CHD4: variants seen among roughly 807,000 people sequenced by gnomAD.
The protein encoded by CHD4 is ATP-dependent chromatin remodeler CHD4.
Under a neutral mutation model 235.5 loss-of-function variants are expected in CHD4, and 35 were observed. The ratio of observed to expected loss-of-function variants is 0.15; its 90% CI spans 0.11 to 0.20. The LOEUF is 0.20. Ranked by LOEUF, CHD4 falls within the 10% of genes least tolerant of loss-of-function variation. The pLI is 1.00. For synonymous variants in CHD4, 900 were observed against 850.2 expected (o/e 1.06, Z -1.02); for missense variants, 1,329 against 2,432.3 (o/e 0.55, Z 9.54).
intron 15 of CHD4, 72 bp downstream of exon 15, chr12:6,594,379 TTATCTCTC>T: frequency 7.3e-7 from 1 of 1,360,926 alleles, no homozygotes; most frequent in Non-Finnish European, 1.0e-6. Context: ...TTTTATTCCC[TTATCTCTC>T]TACTCAGTGT....
intron 33 of CHD4, among the ~76,000 whole-genome samples, chr12:6,579,831 C>A (rs1045389555): frequency 6.7e-6 from 1 of 149,792 alleles, no homozygotes; most frequent in Non-Finnish European, 1.5e-5. Flanking sequence ...CCAAAGCGGG[C>A]GGATCACGAG....
In CHD4 at chr12:6,581,315, A is replaced by G; in HGVS notation, c.4755T>C (p.Ser1585=). The change falls in exon 32 of 40, where the codon TCT becomes TCC. Residue 1585 remains serine, a synonymous_variant. Transcript: ENST00000544040. ...ESIEGEKEVK[S]TAPETAIECT... is the part of the protein sequence containing the mutation. ...CCTCAATGGCAGTCTCAGGGGCTGTAGATTTAACCTCCTTTTCTCCTTCTA... is the reference window on the plus strand; with the variant it reads ...CCTCAATGGCAGTCTCAGGGGCTGTGGATTTAACCTCCTTTTCTCCTTCTA... 1 of 1,614,188 alleles carries G rather than the reference A, an allele frequency of 6.2e-7. No homozygotes were observed. Among genetic ancestry groups the G allele is most frequent in the East Asian group, 2.2e-5 (1 of 44,886 alleles).
intron 25 of CHD4, 119 bp downstream of exon 25, chr12:6,587,265 T>C (rs1236128228): frequency 5.3e-6 from 5 of 944,320 alleles, no homozygotes; most frequent in Non-Finnish European, 6.5e-6. Flanking sequence ...AGAGGATCAA[T>C]TCATCAACAT....
intron 35 of CHD4, 87 bp downstream of exon 35, chr12:6,578,322 G>A: frequency 6.6e-7 from 1 of 1,514,274 alleles, no homozygotes; most frequent in African/African-American, 1.4e-5. Flanking sequence ...GAGGTAAAGA[G>A]GTAAAGTCCC....
Position 6,599,762 on chromosome 12 carries a change from C to A in CHD4, c.1482+11G>T. The A allele has an allele frequency of 6.2e-7, 1 of 1,614,110 alleles. No individual in the cohort carries two copies. The highest frequency in any genetic ancestry group is 1.1e-5 in the South Asian group (1 of 91,082). On this transcript the variant is annotated intron_variant, in intron 10 of 39. Coordinates refer to ENST00000544040, the MANE Select transcript of CHD4 (RefSeq NM_001273.5). ...TCCCATTTTTTGCCCCGGCTGAGAT[C>A]AGTCACTCACCGTACAACGGGGACA... is the stretch of plus-strand genomic sequence containing the variant.
In CHD4 at chr12:6,577,928, A is replaced by G; in HGVS notation, c.5229-11T>C. The G allele has an allele frequency of 6.2e-7, 1 of 1,613,854 alleles. No individual in the cohort carries two copies. Among genetic ancestry groups the G allele is most frequent in the African/African-American group, 1.3e-5 (1 of 75,044 alleles). Reference sequence around the variant, plus strand: ...CGGGCATAGCCATGGCTATTGGAAAAGTGCTCAGGAAAAACAAAACAAGGA... The same window carrying G: ...CGGGCATAGCCATGGCTATTGGAAAGGTGCTCAGGAAAAACAAAACAAGGA... On this transcript the variant is annotated splice_polypyrimidine_tract_variant and intron_variant, in intron 36 of 39. Transcript: ENST00000544040.
Position 6,602,515 on chromosome 12 carries a change from A to G in CHD4, c.101-18T>C. Reference sequence around the variant, plus strand: ...TTCATTTTCTACATATATTTGGCAAAGAGTGGTAGGCAGGGAAAAGATCAA... The same window carrying G: ...TTCATTTTCTACATATATTTGGCAAGGAGTGGTAGGCAGGGAAAAGATCAA... On this transcript the variant is annotated intron_variant, in intron 2 of 39. Coordinates refer to ENST00000544040, the MANE Select transcript of CHD4 (RefSeq NM_001273.5). 6.2e-7 allele frequency: 1 copy of G among 1,610,038 alleles called. No homozygotes were observed.
chr12:6,574,262 T>TA (rs1279978123), intron 37 of CHD4, among the ~76,000 whole-genome samples: 1 of 152,180 alleles, frequency 6.6e-6, no homozygotes, highest in Non-Finnish European at 1.5e-5. Flanking sequence ...AAGGTACTCT[T>TA]ATGTTGTATG....
At chr12:6,606,597 C>T (rs1334519439) in intron 1 of CHD4, 146 bp from the exon 2 acceptor site, 2 of 425,550 alleles carry the variant, frequency 4.7e-6, no homozygotes, top group Admixed American at 9.0e-5. Context: ...TTCCACACTC[C>T]TCGGGGGCAG....
intron 1 of CHD4, chr12:6,606,956 C>T (rs1279437417): frequency 1.3e-5 from 1 of 78,428 alleles, no homozygotes; most frequent in Non-Finnish European, 2.5e-5. Flanking sequence ...TGCGGGGGGC[C>T]GGAGGCAGGG....
intron 23 of CHD4, 50 bp downstream of exon 23, chr12:6,588,248 T>A: frequency 6.3e-7 from 1 of 1,597,076 alleles, no homozygotes; most frequent in Non-Finnish European, 8.6e-7. Context: ...CCACTATGCC[T>A]TTCTAGCATA....
Position 6,595,323 on chromosome 12 carries a change from C to G in CHD4, c.2121+11G>C, listed in dbSNP as rs759722348. On this transcript the variant is annotated intron_variant, in intron 14 of 39. Coordinates refer to ENST00000544040, the MANE Select transcript of CHD4 (RefSeq NM_001273.5). ...ACCCAACAAACTACAGTCCCTTCCA[C>G]CCCCACTCACATCAACTGTTGGCGT... The G allele has an allele frequency of 3.7e-6, 6 of 1,610,910 alleles. No individual in the cohort carries two copies. In the East Asian group the frequency reaches 1.3e-4, roughly 36 times the overall value.
intron 12 of CHD4, 124 bp downstream of exon 12, chr12:6,597,770 C>CA (rs767847862): frequency 1.4e-5 from 13 of 914,524 alleles, no homozygotes; most frequent in African/African-American, 3.3e-5. Context: ...GTCTCAAAAA[C>CA]AAAAAACAAA....
chr12:6,571,141 T>G (rs1947961275), intron 38 of CHD4, 109 bp from the exon 39 acceptor site: 3 of 1,296,276 alleles, frequency 2.3e-6, no homozygotes, highest in Admixed American at 2.1e-5. Flanking sequence ...AACTGTGATG[T>G]ATTGTCTTCT....
Position 6,581,675 on chromosome 12 carries a change from T to C in CHD4, c.4655A>G (p.Asn1552Ser), listed in dbSNP as rs775288338. ...AGCAGGTGGGACAGGTGCAGGAGTG[T>C]TGGGCTGCGTGTCCCCTGGAGTGGA... is the stretch of plus-strand genomic sequence containing the variant. The part of the protein sequence containing the change: ...TPSTPGDTQP[N>S]TPAPVPPAED... Residue 1552 changes from asparagine to serine, a missense_variant, in exon 31 of 40, where the codon AAC (asparagine) becomes AGC (serine). Asn to Ser is a conservative substitution (Grantham distance 46). Transcript: ENST00000544040. The C allele has an allele frequency of 4.3e-6, 7 of 1,611,660 alleles. No individual in the cohort carries two copies. The highest frequency in any genetic ancestry group is 2.7e-5 in the African/African-American group (2 of 74,858).
rs374649544 is a variant in CHD4, at chr12:6,600,523, G to C, written c.1063+11C>G. The C allele has an allele frequency of 8.1e-6, 13 of 1,597,164 alleles. No homozygotes were observed. In the African/African-American group the frequency reaches 9.9e-5, roughly 12 times the overall value. ...CTCATCCCATCACAAATATACAGAA[G>C]AGAAACACACCTTTCTTTTTCTTTT... On this transcript the variant is annotated intron_variant, in intron 8 of 39. Transcript: ENST00000544040.
chr12:6,576,959 CAG>C (rs1306054408), intron 37 of CHD4, among the ~76,000 whole-genome samples: 3 of 150,386 alleles, frequency 2.0e-5, no homozygotes, highest in South Asian at 2.1e-4. Context: ...TTTTTTGAGA[CAG>C]AGTCTCACTC....
chr12:6,600,815 G>T, intron 7 of CHD4, 111 bp downstream of exon 7: 1 of 1,509,072 alleles, frequency 6.6e-7, no homozygotes, highest in Non-Finnish European at 8.9e-7. Flanking sequence ...TGTTCTGTGG[G>T]AAACGCCCCA....
chr12:6,576,820 A>T (rs1044694928), intron 37 of CHD4, among the ~76,000 whole-genome samples: 3 of 152,222 alleles, frequency 2.0e-5, no homozygotes, highest in Non-Finnish European at 4.4e-5. Context: ...CCTTGAAAAC[A>T]GATACCATGC....
Sources: gnomAD v4.1 joint callset for allele counts (sites outside exome capture counted in the v4.1 genomes callset) on GRCh38, gnomAD v4.1.1 for gene constraint, MANE v1.5 for transcripts, NCBI Gene and HGNC (gene_info 2026-07-23, HGNC 2026-07-21) for gene names.